LATS2: variants seen among roughly 807,000 people sequenced by gnomAD.
The protein encoded by LATS2 is large tumor suppressor kinase 2.
LATS2 carries 24 observed loss-of-function variants against 76.0 expected under a neutral mutation model. That is an observed-to-expected ratio of 0.32 (90% CI 0.23 to 0.44). The LOEUF is 0.44. Among genes scored for constraint, LATS2 ranks in the 20% least tolerant of loss-of-function variants. LATS2 has a pLI of 1.00. For synonymous variants in LATS2, 692 were observed against 635.4 expected, an observed-to-expected ratio of 1.09 and a Z score of -1.34; for missense variants, 1,286 against 1,481.2, an observed-to-expected ratio of 0.87 and a Z score of 2.16.
intron 1 of LATS2, among the ~76,000 whole-genome samples, chr13:21,059,439 T>C (rs1435371617): frequency 6.6e-6 from 1 of 151,058 alleles, no homozygotes; most frequent in Non-Finnish European, 1.5e-5. Flanking sequence ...CTACTAAAAA[T>C]ACAAAAAATT....
At chr13:21,012,795 C>A (rs549408939) in intron 2 of LATS2, among the ~76,000 whole-genome samples, 1 of 150,726 alleles carries the variant, frequency 6.6e-6, no homozygotes, top group Non-Finnish European at 1.5e-5. Context: ...ACCCCCCCCC[C>A]ACCTCCTAGG....
rs563804403 is a variant in LATS2 at position 21,048,770 on chromosome 13, G to A, written c.-204-2540C>T. ...GAGAATCACTTGAACCAGGGAGGCGGGGGTTGCAGTGAGCCGAGATCGCAC... is the reference window on the plus strand; with the variant it reads ...GAGAATCACTTGAACCAGGGAGGCGAGGGTTGCAGTGAGCCGAGATCGCAC... On this transcript the variant is annotated intron_variant, in intron 1 of 7. Coordinates refer to ENST00000382592, the MANE Select transcript of LATS2 (RefSeq NM_014572.3). 1.5e-3 allele frequency among the ~76,000 whole-genome samples: 222 copies of A among 152,146 alleles called. 1 individual carries two copies. Among genetic ancestry groups the A allele is most frequent in the Middle Eastern group, 3.4e-3 (1 of 294 alleles).
Position 20,988,600 on chromosome 13 carries a change from C to A in LATS2, c.1180G>T (p.Val394Leu). 1 of 1,589,188 alleles carries A rather than the reference C, an allele frequency of 6.3e-7. No homozygotes were observed. The highest frequency in any genetic ancestry group is 2.2e-5 in the East Asian group (1 of 44,476). ...ACTGGGCAGTCAGGCCGGAAGGCCA[C>A]GTGCGCGCGCGGCGGCGCCTCCAGG... ...PGLEAPPRAH[V>L]AFRPDCPVPS... Residue 394 changes from valine to leucine, a missense_variant, in exon 4 of 8, where the codon GTG becomes TTG. Physicochemically the swap from Val to Leu is conservative, Grantham distance 32. Around this residue, in one of 5 missense-constraint regions of LATS2, gnomAD observed 710 missense variants for 660.9 expected, o/e 1.07. Transcript: ENST00000382592.
chr13:21,055,883 T>C (rs1873432375), intron 1 of LATS2, among the ~76,000 whole-genome samples: 1 of 152,204 alleles, frequency 6.6e-6, no homozygotes, highest in African/African-American at 2.4e-5. Context: ...GTCAGAATCA[T>C]AAACCACTAT....
At chr13:21,052,806 T>A (rs1443497397) in intron 1 of LATS2, among the ~76,000 whole-genome samples, 3 of 152,234 alleles carry the variant, frequency 2.0e-5, no homozygotes. Context: ...TGGTCAGTTC[T>A]GAGCAGCATC....
At chr13:20,997,289 C>A (rs1284309853) in intron 2 of LATS2, among the ~76,000 whole-genome samples, 2 of 152,244 alleles carry the variant, frequency 1.3e-5, no homozygotes, top group Non-Finnish European at 1.5e-5. Flanking sequence ...CAAGAGATTT[C>A]TCCTCTTACA....
At position 21,048,671 on chromosome 13, in the gene LATS2, T is replaced by A. The variant is rs146904043; in HGVS notation, c.-204-2441A>T. Among the ~76,000 whole-genome samples the A allele has an allele frequency of 6.0e-4, 91 of 151,920 alleles. 2 individuals are homozygous for A. The highest frequency in any genetic ancestry group is 1.9e-3 in the African/African-American group (80 of 41,424). ...ACATATAGTGAAACCCTGTCTCTAC[T>A]AACTAAACATAAAAAATTAGCCAGG... On this transcript the variant is annotated intron_variant, in intron 1 of 7. Transcript: ENST00000382592.
chr13:21,022,285 CAT>C (rs757873625), intron 2 of LATS2, among the ~76,000 whole-genome samples: 1 of 152,068 alleles, frequency 6.6e-6, no homozygotes, highest in Non-Finnish European at 1.5e-5. Context: ...TTTGTATGTG[CAT>C]GTGTGTGTGA....
At chr13:21,015,167 A>G (rs577397232) in intron 2 of LATS2, among the ~76,000 whole-genome samples, 69 of 152,334 alleles carry the variant, frequency 4.5e-4, no homozygotes, top group African/African-American at 1.6e-3. Context: ...TTAGATTCCT[A>G]TTGAAATGAG....
At position 20,988,970 on chromosome 13, in the gene LATS2, C is replaced by T. The variant is rs1438637606; in HGVS notation, c.810G>A (p.Gln270=). ...TCTTGCTCTGGAAGGAGGGGCTGCG[C>T]TGCACTCCGTAGCCCAGGGGTTCCC... ...VPGEPLGYGV[Q]RSPSFQSKTP... The change falls in exon 4 of 8, where the codon CAG becomes CAA. Residue 270 remains glutamine (Q), a synonymous_variant. Coordinates refer to ENST00000382592, the MANE Select transcript of LATS2 (RefSeq NM_014572.3). 6.5e-6 allele frequency: 10 copies of T among 1,540,140 alleles called. No homozygotes were observed. The highest frequency in any genetic ancestry group is 1.4e-5 in the African/African-American group (1 of 73,308).
chr13:21,032,288 C>T (rs986654293), intron 2 of LATS2, among the ~76,000 whole-genome samples: 20 of 151,960 alleles, frequency 1.3e-4, no homozygotes, highest in Admixed American at 3.9e-4. Flanking sequence ...TTTTTTGAGA[C>T]AGAGTCTCGC....
intron 2 of LATS2, among the ~76,000 whole-genome samples, chr13:21,021,474 CAAAAAAAAAAA>C (rs58976562): frequency 1.9e-3 from 90 of 48,360 alleles, no homozygotes; most frequent in South Asian, 9.1e-3. Context: ...GACTCTGTCT[CAAAAAAAAAAA>C]AAAAAAAAAA....
At chr13:21,019,316 A>C (rs1341173256) in intron 2 of LATS2, among the ~76,000 whole-genome samples, 6 of 146,242 alleles carry the variant, frequency 4.1e-5, no homozygotes, top group African/African-American at 1.5e-4. Context: ...TATTATTATT[A>C]TTATTATTAT....
At chr13:21,011,497 AG>A (rs1871591197) in intron 2 of LATS2, among the ~76,000 whole-genome samples, 1 of 152,226 alleles carries the variant, frequency 6.6e-6, no homozygotes, top group East Asian at 1.9e-4. Context: ...ACAGTTCCTC[AG>A]GTCCAGCAAC....
chr13:20,982,294 G>A (rs967085959), intron 5 of LATS2, among the ~76,000 whole-genome samples: 28 of 152,192 alleles, frequency 1.8e-4, no homozygotes, highest in Non-Finnish European at 3.8e-4. Flanking sequence ...GGCTCCTTGG[G>A]AGGCTGTGAC....
Position 20,988,917 on chromosome 13 carries a change from C to T in LATS2, c.863G>A (p.Ser288Asn). 1 of 1,523,918 alleles carries T rather than the reference C, an allele frequency of 6.6e-7. No homozygotes were observed. The highest frequency in any genetic ancestry group is 8.8e-7 in the Non-Finnish European group (1 of 1,139,960). 94.4% of individuals were successfully genotyped at this position (1,523,918 alleles called of 1,614,324 possible). Residue 288 changes from serine (S) to asparagine (N), a missense_variant, in exon 4 of 8, where the codon AGC becomes AAC. Transcript: ENST00000382592. Reference sequence around the variant, plus strand: ...TCCTCCCTGGCCCTTCGTGGGCAGGCTGGCGTAACCCCCGGTCTCCGGCGG... The same window carrying T: ...TCCTCCCTGGCCCTTCGTGGGCAGGTTGGCGTAACCCCCGGTCTCCGGCGG... ...KTPPETGGYASLPTKGQGGPP... is the reference protein window; with the variant it reads ...KTPPETGGYANLPTKGQGGPP...
chr13:21,018,333 T>C (rs555427580), intron 2 of LATS2, among the ~76,000 whole-genome samples: 1 of 152,264 alleles, frequency 6.6e-6, no homozygotes, highest in African/African-American at 2.4e-5. Context: ...TTGGGCGAGG[T>C]ATGTGGCAAT....
chr13:20,989,297 C>A lies in LATS2; in HGVS notation c.483G>T (p.Gly161=). ...TCCGCGTCACTGGGGTTGGCATGAG[C>A]CCCTTTCCTGCAGTGGAAAAAACAG... is the stretch of plus-strand genomic sequence containing the variant. ...RVIKQTSPGK[G]LMPTPVTRRP... Residue 161 remains glycine (G), a synonymous_variant, in exon 4 of 8, where the codon GGG becomes GGT. Coordinates refer to ENST00000382592, the MANE Select transcript of LATS2 (RefSeq NM_014572.3). 2.5e-6 allele frequency: 4 copies of A among 1,613,790 alleles called. No individual in the cohort carries two copies. The highest frequency in any genetic ancestry group is 1.1e-5 in the South Asian group (1 of 91,092).
intron 2 of LATS2, among the ~76,000 whole-genome samples, chr13:20,992,832 C>T (rs1360792455): frequency 2.6e-5 from 4 of 151,890 alleles, no homozygotes; most frequent in African/African-American, 7.3e-5. Context: ...GTCAAGAGAT[C>T]GAGACCATCC....
Sources: gnomAD v4.1 joint callset for allele counts (sites outside exome capture counted in the v4.1 genomes callset) on GRCh38, gnomAD v4.1.1 for gene constraint, gnomAD v4.1.1 regional missense constraint, MANE v1.5 for transcripts, NCBI Gene and HGNC (gene_info 2026-07-23, HGNC 2026-07-21) for gene names.